The following PLCH1 variants were observed in gnomAD, a reference collection of about 807,000 sequenced individuals.
PLCH1 encodes the protein phospholipase C eta 1.
A neutral mutation model predicts 126.7 loss-of-function variants in PLCH1; 60 were observed. That is an observed-to-expected ratio of 0.47 (90% CI 0.38 to 0.59). PLCH1 has a LOEUF of 0.59. Ranked by LOEUF, PLCH1 falls within the 20% of genes least tolerant of loss-of-function variation. The pLI, the probability that PLCH1 is intolerant of heterozygous loss-of-function variation, is 0.00. For missense variants in PLCH1, 1,723 were observed against 2,040.0 expected, an observed-to-expected ratio of 0.84 and a Z score of 2.99; for synonymous variants, 719 against 734.9, an observed-to-expected ratio of 0.98 and a Z score of 0.35.
intron 6 of PLCH1, among the ~76,000 whole-genome samples, chr3:155,576,012 C>T (rs1729898106): frequency 6.6e-6 from 1 of 151,904 alleles, no homozygotes; most frequent in African/African-American, 2.4e-5. Flanking sequence ...TTCCTCAATC[C>T]ATAAGAAACA....
intron 2 of PLCH1, among the ~76,000 whole-genome samples, chr3:155,659,436 C>G (rs1741860790): frequency 1.3e-5 from 2 of 148,506 alleles, no homozygotes; most frequent in Admixed American, 1.4e-4. Flanking sequence ...GCAATCCTCC[C>G]TGTTCAGCCT....
At chr3:155,643,410 C>A (rs1448233424) in intron 2 of PLCH1, among the ~76,000 whole-genome samples, 1 of 152,176 alleles carries the variant, frequency 6.6e-6, no homozygotes, top group East Asian at 1.9e-4. Context: ...GCTGATCTGA[C>A]TATATACTCA....
Position 155,482,254 on chromosome 3 carries a change from T to C in PLCH1, c.3772A>G (p.Thr1258Ala). The change falls in exon 23 of 23, where the codon ACC becomes GCC. Residue 1258 changes from threonine (T) to alanine (A), a missense_variant. By Grantham distance (58) the Thr-to-Ala change is moderately conservative (BLOSUM62 0). Coordinates refer to ENST00000460012, the MANE Select transcript of PLCH1 (RefSeq NM_014996.4). ...PELIALSSSE[T>A]TKHATNTVYE... is the part of the protein sequence containing the mutation. ...ACTGTGTTCGTTGCATGTTTGGTGG[T>C]CTCAGAACTCGAGAGTGCTATCAGC... 1 of 1,614,148 alleles carries C rather than the reference T, an allele frequency of 6.2e-7. No individual in the cohort carries two copies. The highest frequency in any genetic ancestry group is 8.5e-7 in the Non-Finnish European group (1 of 1,180,010).
chr3:155,713,933 T>A (rs1259282276), intron 1 of PLCH1, among the ~76,000 whole-genome samples: 1 of 152,206 alleles, frequency 6.6e-6, no homozygotes, highest in Non-Finnish European at 1.5e-5. Flanking sequence ...AACCACAAAA[T>A]GAACTGTCAG....
chr3:155,522,516 G>A (rs528242205), intron 11 of PLCH1, among the ~76,000 whole-genome samples: 1 of 152,288 alleles, frequency 6.6e-6, no homozygotes, highest in African/African-American at 2.4e-5. Context: ...GGGCATTAAA[G>A]CCAAGAAAGA....
intron 1 of PLCH1, among the ~76,000 whole-genome samples, chr3:155,740,762 C>G (rs1044134697): frequency 6.6e-6 from 1 of 152,180 alleles, no homozygotes; most frequent in African/African-American, 2.4e-5. Flanking sequence ...CTGAAAACAA[C>G]AAGATCATTA....
At chr3:155,598,773 G>T (rs972968067) in intron 2 of PLCH1, among the ~76,000 whole-genome samples, 5 of 152,138 alleles carry the variant, frequency 3.3e-5, no homozygotes, top group African/African-American at 2.4e-5. Flanking sequence ...TTGAAGTAAG[G>T]ATTGAATGAG....
chr3:155,646,587 T>C (rs1577231587), intron 2 of PLCH1, among the ~76,000 whole-genome samples: 1 of 152,222 alleles, frequency 6.6e-6, no homozygotes, highest in Non-Finnish European at 1.5e-5. Flanking sequence ...CCTAAAGTCC[T>C]TGAGTAAAAC....
intron 10 of PLCH1, among the ~76,000 whole-genome samples, chr3:155,543,522 CAG>C (rs1172822465): frequency 3.9e-5 from 6 of 152,150 alleles, no homozygotes; most frequent in African/African-American, 1.4e-4. Flanking sequence ...CATTCAGATT[CAG>C]GAAATACAGA....
chr3:155,663,575 T>C (rs564292854), intron 2 of PLCH1, among the ~76,000 whole-genome samples: 2 of 152,332 alleles, frequency 1.3e-5, no homozygotes, highest in East Asian at 3.9e-4. Flanking sequence ...AAACCTTCCC[T>C]GTCTCTCAAA....
intron 2 of PLCH1, among the ~76,000 whole-genome samples, chr3:155,621,928 C>T (rs772986812): frequency 6.6e-6 from 1 of 152,118 alleles, no homozygotes; most frequent in Non-Finnish European, 1.5e-5. Flanking sequence ...AAAGATAATC[C>T]TCAAGAAGAA....
intron 2 of PLCH1, among the ~76,000 whole-genome samples, chr3:155,631,144 G>A (rs928160144): frequency 6.6e-6 from 1 of 152,110 alleles, no homozygotes; most frequent in African/African-American, 2.4e-5. Flanking sequence ...CCACAGCAAT[G>A]CATTAAGGGA....
At chr3:155,694,887 A>T (rs1745678162) in intron 2 of PLCH1, among the ~76,000 whole-genome samples, 1 of 147,526 alleles carries the variant, frequency 6.8e-6, no homozygotes, top group Non-Finnish European at 1.5e-5. Context: ...ATGCTGTTTG[A>T]TTATTCTCCT....
intron 2 of PLCH1, among the ~76,000 whole-genome samples, chr3:155,642,310 A>G (rs529082490): frequency 6.6e-6 from 1 of 152,322 alleles, no homozygotes; most frequent in African/African-American, 2.4e-5. Context: ...ATTCTTTAGT[A>G]TAATGAAAGT....
In PLCH1 at chr3:155,500,643, G is replaced by C. The variant is rs1576838071; in HGVS notation, c.1796+60C>G. Reference sequence around the variant, plus strand: ...AGACATGTACAAGAAAAATGACTAAGCTGACAAGGATGGAGGGGCCTCAGG... The same window carrying C: ...AGACATGTACAAGAAAAATGACTAACCTGACAAGGATGGAGGGGCCTCAGG... On this transcript the variant is annotated intron_variant, in intron 14 of 22. Coordinates refer to ENST00000460012, the MANE Select transcript of PLCH1 (RefSeq NM_014996.4). 22 of 990,614 alleles carry C rather than the reference G, an allele frequency of 2.2e-5. No individual in the cohort carries two copies. The South Asian group carries it at 3.0e-4, about 13-fold the overall frequency. 61.4% of individuals were successfully genotyped at this position (990,614 alleles called of 1,614,324 possible).
At chr3:155,739,335 C>T (rs1011374179) in intron 1 of PLCH1, among the ~76,000 whole-genome samples, 1 of 152,178 alleles carries the variant, frequency 6.6e-6, no homozygotes, top group Admixed American at 6.5e-5. Flanking sequence ...TCAGAAAGCA[C>T]ACATTAAAAT....
At chr3:155,612,614 A>G (rs562600825) in intron 2 of PLCH1, among the ~76,000 whole-genome samples, 1 of 152,096 alleles carries the variant, frequency 6.6e-6, no homozygotes, top group Non-Finnish European at 1.5e-5. Context: ...AAGATTAACC[A>G]AGAAAAAAAG....
chr3:155,631,473 G>A (rs76390230), intron 2 of PLCH1, among the ~76,000 whole-genome samples: 2,842 of 152,228 alleles, frequency 0.019, 42 homozygotes, highest in South Asian at 0.03. Context: ...CCCAGACGTG[G>A]GTCACTACAA....
chr3:155,452,129 C>G (rs1210452450), intron 21 of PLCH1, among the ~76,000 whole-genome samples: 1 of 152,094 alleles, frequency 6.6e-6, no homozygotes, highest in Non-Finnish European at 1.5e-5. Context: ...GAGGTTTAAT[C>G]GGACTTACAA....
Sources: allele counts gnomAD v4.1 joint callset (sites outside exome capture counted in the v4.1 genomes callset), GRCh38; gene constraint gnomAD v4.1.1; transcripts MANE v1.5; gene names NCBI Gene and HGNC (gene_info 2026-07-23, HGNC 2026-07-21).